Variants in DBF4 observed in about 807,000 individuals in gnomAD.
DBF4 encodes protein DBF4 homolog A.
DBF4 carries 25 observed loss-of-function variants against 76.6 expected under a neutral mutation model. The observed-to-expected ratio is 0.33, with a 90% CI of 0.24 to 0.46. The LOEUF (loss-of-function observed/expected upper bound fraction) is 0.46, where lower values mean the gene tolerates loss of function less well. Among genes scored for constraint, DBF4 ranks in the 20% least tolerant of loss-of-function variants. The pLI, the probability that DBF4 is intolerant of heterozygous loss-of-function variation, is 1.00. For missense variants in DBF4, 638 were observed against 760.8 expected (o/e 0.84, Z 1.90); for synonymous variants, 213 against 258.0 (o/e 0.83, Z 1.67).
intron 2 of DBF4, among the ~76,000 whole-genome samples, chr7:87,878,784 A>G (rs1839134568): frequency 6.6e-6 from 1 of 152,212 alleles, no homozygotes; most frequent in African/African-American, 2.4e-5. Flanking sequence ...TAGGACCTTA[A>G]TAGGATTAAG....
intron 6 of DBF4, among the ~76,000 whole-genome samples, chr7:87,894,680 A>G (rs1198127579): frequency 6.6e-6 from 1 of 152,182 alleles, no homozygotes; most frequent in Non-Finnish European, 1.5e-5. Context: ...TTACTGGAAA[A>G]AGAATCATGA....
intron 2 of DBF4, chr7:87,878,496 T>C (rs1584349304): frequency 3.6e-6 from 1 of 280,918 alleles, no homozygotes; most frequent in Non-Finnish European, 6.6e-6. Flanking sequence ...GACTGCTTAC[T>C]GTAATGTTGG....
chr7:87,897,468 A>G, intron 8 of DBF4, 129 bp downstream of exon 8: 1 of 742,610 alleles, frequency 1.3e-6, no homozygotes, highest in Non-Finnish European at 2.1e-6. Flanking sequence ...ACTAATGTGC[A>G]TGCGGCACAA....
At position 87,876,550 on chromosome 7, in the gene DBF4, T is replaced by C; in HGVS notation, c.-183T>C. 1 of 640,756 alleles carries C rather than the reference T, an allele frequency of 1.6e-6. No homozygotes were observed. The allele number at this position is 640,756 out of a possible 1,614,324, so 39.7% of individuals were successfully genotyped here. Reference sequence around the variant, plus strand: ...GCTTTGCGCCTTCCTCCTCCGCGCCTTGGAGCCGGATCCGGCCCCGGAAAC... The same window carrying C: ...GCTTTGCGCCTTCCTCCTCCGCGCCCTGGAGCCGGATCCGGCCCCGGAAAC... On this transcript the variant is annotated 5_prime_UTR_variant, in exon 1 of 12. Transcript: ENST00000265728.
chr7:87,886,306 G>A (rs1315386029), intron 3 of DBF4, among the ~76,000 whole-genome samples: 1 of 152,076 alleles, frequency 6.6e-6, no homozygotes, highest in Non-Finnish European at 1.5e-5. Context: ...GCTGAGGTGG[G>A]TGAATCACGA....
intron 9 of DBF4, 90 bp downstream of exon 9, chr7:87,900,439 A>G: frequency 2.2e-6 from 3 of 1,387,364 alleles, no homozygotes. Context: ...CATTTATGCC[A>G]TAATGGTTAT....
intron 6 of DBF4, 61 bp downstream of exon 6, chr7:87,888,120 CAA>C (rs1839406113): frequency 6.7e-7 from 1 of 1,488,560 alleles, no homozygotes; most frequent in African/African-American, 1.4e-5. Flanking sequence ...TACGTATTTG[CAA>C]AGTTTTCCTC....
Position 87,886,443 on chromosome 7 carries a change from G to A in DBF4, c.400-401G>A, listed in dbSNP as rs938241012. Among the ~76,000 whole-genome samples the A allele has an allele frequency of 1.4e-4, 21 of 146,820 alleles. No homozygotes were observed. In the Admixed American group the frequency reaches 1.5e-3, roughly 10 times the overall value. On this transcript the variant is annotated intron_variant, in intron 3 of 11. Transcript: ENST00000265728. ...CCAGCTACTTGGGAGGCTGGGGCAG[G>A]AGAATCACTTGAACCCGGGAGGCAG...
At chr7:87,893,193 G>A (rs1175624331) in intron 6 of DBF4, among the ~76,000 whole-genome samples, 2 of 148,532 alleles carry the variant, frequency 1.3e-5, no homozygotes, top group Non-Finnish European at 3.0e-5. Context: ...ACAGTTTTGA[G>A]TCATTTTGAA....
Position 87,876,614 on chromosome 7 carries a change from G to C in DBF4, c.-119G>C. On this transcript the variant is annotated 5_prime_UTR_variant, in exon 1 of 12. Coordinates refer to ENST00000265728, the MANE Select transcript of DBF4 (RefSeq NM_006716.4). Reference sequence around the variant, plus strand: ...GCGGTACCTCTACTGCGTAGAGGCCGTAGCTGGCGGAAGGAGAGAGGCGGC... The same window carrying C: ...GCGGTACCTCTACTGCGTAGAGGCCCTAGCTGGCGGAAGGAGAGAGGCGGC... The C allele has an allele frequency of 8.7e-7, 1 of 1,148,894 alleles. No homozygotes were observed. Among genetic ancestry groups the C allele is most frequent in the Middle Eastern group, 2.7e-4 (1 of 3,664 alleles). The allele number at this position is 1,148,894 out of a possible 1,614,324, so 71.2% of individuals were successfully genotyped here. A position where few individuals can be genotyped will look rare whatever the true frequency, so the allele number is the denominator to read the frequency against.
rs185105684 is a variant in DBF4 at position 87,885,395 on chromosome 7, G to A, written c.399+237G>A. Among the ~76,000 whole-genome samples the A allele has an allele frequency of 1.2e-3, 180 of 152,302 alleles. 2 individuals are homozygous for A. The highest frequency in any genetic ancestry group is 5.0e-3 in the Admixed American group (77 of 15,300). On this transcript the variant is annotated intron_variant, in intron 3 of 11. Transcript: ENST00000265728. ...GTATACCCTTGTATTTAGGGATGGCGTGTAGTTTTTAGAATAATTTACAAC... is the reference window on the plus strand; with the variant it reads ...GTATACCCTTGTATTTAGGGATGGCATGTAGTTTTTAGAATAATTTACAAC...
At chr7:87,906,324 T>G (rs926852147) in intron 11 of DBF4, among the ~76,000 whole-genome samples, 7 of 120,782 alleles carry the variant, frequency 5.8e-5, no homozygotes, top group African/African-American at 1.7e-4. Context: ...GTTAGAGTAG[T>G]TTTTTTTTTT....
At chr7:87,877,908 G>GTAC in intron 1 of DBF4, 145 bp from the exon 2 acceptor site, 1 of 664,054 alleles carries the variant, frequency 1.5e-6, no homozygotes, top group Non-Finnish European at 2.4e-6. Context: ...ATCCTAAGTA[G>GTAC]TACTACAAAG....
At chr7:87,887,609 G>A (rs1028273682) in intron 5 of DBF4, among the ~76,000 whole-genome samples, 9 of 152,150 alleles carry the variant, frequency 5.9e-5, no homozygotes, top group Non-Finnish European at 1.3e-4. Context: ...CTGGGTCAAA[G>A]GGCTGCATCT....
chr7:87,883,816 T>C (rs1169520662), intron 2 of DBF4, among the ~76,000 whole-genome samples: 3 of 152,210 alleles, frequency 2.0e-5, no homozygotes, highest in African/African-American at 7.2e-5. Context: ...TGAGAAGTCT[T>C]TCATGGATGT....
intron 6 of DBF4, among the ~76,000 whole-genome samples, chr7:87,890,946 G>T (rs113181589): frequency 0.028 from 4,287 of 152,128 alleles, 62 homozygotes; most frequent in Middle Eastern, 0.048. Context: ...TTTTATTTTG[G>T]TATATAAGAA....
At chr7:87,893,491 C>T (rs537923314) in intron 6 of DBF4, among the ~76,000 whole-genome samples, 4 of 151,358 alleles carry the variant, frequency 2.6e-5, no homozygotes, top group South Asian at 2.1e-4. Flanking sequence ...ATGATCCACC[C>T]GCCTCGGCCT....
chr7:87,880,579 G>A (rs764422978), intron 2 of DBF4, among the ~76,000 whole-genome samples: 25 of 151,976 alleles, frequency 1.6e-4, no homozygotes, highest in Non-Finnish European at 3.4e-4. Flanking sequence ...CACTAAAAAA[G>A]ATTTTGTCAT....
chr7:87,886,504 T>C lies in DBF4; in HGVS notation c.400-340T>C, dbSNP rs147214431. The stretch of plus-strand genomic sequence containing the variant: ...GAGCTGAGATCACACCACTGTACTC[T>C]AGCTTGAGCGACACAGCAAGACTTT... On this transcript the variant is annotated intron_variant, in intron 3 of 11. Coordinates refer to ENST00000265728, the MANE Select transcript of DBF4 (RefSeq NM_006716.4). Among the ~76,000 whole-genome samples the C allele has an allele frequency of 8.8e-3, 1,111 of 126,102 alleles. 5 individuals are homozygous for C. The highest frequency in any genetic ancestry group is 0.023 in the Middle Eastern group (3 of 128). The allele number at this position is 126,102 out of a possible 152,430, so 82.7% of individuals were successfully genotyped here.
Sources: allele counts gnomAD v4.1 joint callset (sites outside exome capture counted in the v4.1 genomes callset), GRCh38; gene constraint gnomAD v4.1.1; transcripts MANE v1.5; gene names NCBI Gene and HGNC (gene_info 2026-07-23, HGNC 2026-07-21).